Variants in HSF5 observed in about 807,000 individuals in gnomAD.
The protein encoded by HSF5 is heat shock factor protein 5.
Under a neutral mutation model 50.8 loss-of-function variants are expected in HSF5, and 5 were observed. The observed-to-expected ratio is 0.10, with a 90% CI of 0.05 to 0.21. The LOEUF (loss-of-function observed/expected upper bound fraction) is 0.21. HSF5 is among the 10% of genes least tolerant of loss of function. The pLI, the probability that HSF5 is intolerant of heterozygous loss-of-function variation, is 1.00. For synonymous variants in HSF5, 307 were observed against 307.4 expected, an observed-to-expected ratio of 1.00 and a Z score of 0.02; for missense variants, 564 against 762.6, an observed-to-expected ratio of 0.74 and a Z score of 3.07.
Position 58,422,694 on chromosome 17 carries a change from CTT to C in HSF5, c.1721-266_1721-265del, listed in dbSNP as rs34142135. 1.9e-3 allele frequency among the ~76,000 whole-genome samples: 236 copies of C among 125,162 alleles called. 1 individual carries two copies. In the East Asian group the frequency reaches 0.034, roughly 18 times the overall value. The allele number at this position is 125,162 out of a possible 152,430, so 82.1% of individuals were successfully genotyped here. A position where few individuals can be genotyped will look rare whatever the true frequency, so the allele number is the denominator to read the frequency against. On this transcript the variant is annotated intron_variant, in intron 5 of 5. Transcript: ENST00000323777. ...CCAAGACTCTTTTCACCTCAGTTGC[CTT>C]TTTTTTTTTTTTTTTTGAGACGGAG...
intron 4 of HSF5, 22 bp downstream of exon 4, chr17:58,462,760 A>ATTTTTTTTT: frequency 6.4e-7 from 1 of 1,558,720 alleles, no homozygotes; most frequent in African/African-American, 1.4e-5. Flanking sequence ...CTTTATAAGC[A>ATTTTTTTTT]TTTTTTTCTT....
chr17:58,487,961 T>G lies in HSF5; in HGVS notation c.314A>C (p.Asn105Thr). Residue 105 changes from asparagine (N) to threonine (T), a missense_variant, in exon 1 of 6, where the codon AAT (asparagine) becomes ACT (threonine). By Grantham distance (65) the Asn-to-Thr change is moderately conservative (BLOSUM62 0). This residue lies in a region of HSF5 where 29 missense variants were observed against 24.7 expected (regional missense o/e 1.18). Transcript: ENST00000323777. Reference protein sequence around the residue: ...GGPGGGKPAGNGPLHHFHNPH... With the variant: ...GGPGGGKPAGTGPLHHFHNPH... ...GTTGTGGAAGTGATGGAGCGGCCCA[T>G]TGCCTGCCGGTTTGCCGCCCCCCGG... The G allele has an allele frequency of 6.2e-7, 1 of 1,611,342 alleles. No individual in the cohort carries two copies. Among genetic ancestry groups the G allele is most frequent in the Non-Finnish European group, 8.5e-7 (1 of 1,179,316 alleles).
intron 2 of HSF5, among the ~76,000 whole-genome samples, chr17:58,473,546 T>C (rs186778255): frequency 7.2e-4 from 110 of 152,108 alleles, no homozygotes; most frequent in African/African-American, 2.2e-3. Context: ...AGAGGAAAAA[T>C]TGAATTCTAG....
At chr17:58,422,488 G>C in intron 5 of HSF5, 58 bp from the exon 6 acceptor site, 1 of 1,380,606 alleles carries the variant, frequency 7.2e-7, no homozygotes, top group South Asian at 1.2e-5. Context: ...CTATAGACAA[G>C]TTTTCAGACA....
At chr17:58,473,033 G>C (rs769453270) in intron 2 of HSF5, among the ~76,000 whole-genome samples, 1 of 152,146 alleles carries the variant, frequency 6.6e-6, no homozygotes, top group Admixed American at 6.6e-5. Context: ...CTCTTCATGA[G>C]AGGCAGGCAG....
At chr17:58,446,134 T>C in intron 5 of HSF5, among the ~76,000 whole-genome samples, 1 of 118,468 alleles carries the variant, frequency 8.4e-6, no homozygotes, top group African/African-American at 3.5e-5. Flanking sequence ...TGAAACTCCA[T>C]CTCAAAAAAA....
chr17:58,457,346 C>T (rs1304248037), intron 5 of HSF5, among the ~76,000 whole-genome samples: 2 of 151,598 alleles, frequency 1.3e-5, no homozygotes, highest in African/African-American at 4.8e-5. Context: ...TGCCTGTAAT[C>T]CCAGCACTTT....
At chr17:58,476,391 T>G (rs1427274795) in intron 2 of HSF5, 2 of 1,021,302 alleles carry the variant, frequency 2.0e-6, no homozygotes, top group Non-Finnish European at 3.1e-6. Flanking sequence ...AGAAGCTCCC[T>G]GGTTCCTCAT....
chr17:58,470,440 T>G (rs888533070), intron 2 of HSF5, among the ~76,000 whole-genome samples: 1 of 152,170 alleles, frequency 6.6e-6, no homozygotes, highest in Non-Finnish European at 1.5e-5. Flanking sequence ...CGATTCCTCA[T>G]GTAAGGTTCC....
intron 5 of HSF5, among the ~76,000 whole-genome samples, chr17:58,433,474 T>C (rs1974389218): frequency 6.6e-6 from 1 of 152,066 alleles, no homozygotes; most frequent in Admixed American, 6.6e-5. Context: ...AAGGTGATAA[T>C]AAAAGCATGA....
intron 5 of HSF5, among the ~76,000 whole-genome samples, chr17:58,426,770 G>A (rs962243469): frequency 1.3e-5 from 2 of 152,174 alleles, no homozygotes; most frequent in African/African-American, 4.8e-5. Flanking sequence ...AGAAGAGCAT[G>A]ATTCAGTCTA....
chr17:58,441,235 T>C (rs927947410), intron 5 of HSF5, among the ~76,000 whole-genome samples: 1 of 152,104 alleles, frequency 6.6e-6, no homozygotes, highest in Non-Finnish European at 1.5e-5. Context: ...GAAATAAATA[T>C]AAATTTATTT....
Position 58,480,251 on chromosome 17 carries a change from T to C in HSF5, c.567A>G (p.Gly189=). The C allele has an allele frequency of 6.2e-7, 1 of 1,610,104 alleles. No individual in the cohort carries two copies. Among genetic ancestry groups the C allele is most frequent in the Non-Finnish European group, 8.5e-7 (1 of 1,177,702 alleles). The stretch of plus-strand genomic sequence containing the variant: ...CTCGACGAAATGACCGGTGAAATTG[T>C]CCTACAGCCACTGGTCCTACATAAA... ...RPEPHGPVAV[G]QFHRSFRRDS... is the part of the protein sequence containing the mutation. Residue 189 remains glycine (G), a synonymous_variant, in exon 2 of 6, where the codon GGA becomes GGG. Transcript: ENST00000323777.
rs1168531430 is a variant in HSF5, at chr17:58,422,252, CT to C, written c.*107del. 1.9e-5 allele frequency: 15 copies of C among 789,596 alleles called. No homozygotes were observed. The highest frequency in any genetic ancestry group is 2.4e-4 in the Middle Eastern group (1 of 4,110). 48.9% of individuals were successfully genotyped at this position (789,596 alleles called of 1,614,324 possible). ...TTCTCAATTAACGAAACAAAAAATA[CT>C]TTTTTTTCCTTAACAGAACTGAAAA... On this transcript the variant is annotated 3_prime_UTR_variant, in exon 6 of 6. Coordinates refer to ENST00000323777, the MANE Select transcript of HSF5 (RefSeq NM_001080439.3).
rs1162850322 is a variant in HSF5, at chr17:58,429,370, G to A, written c.1721-6940C>T. ...TGAATGTACTATATGCCACTTAATC[G>A]TACACTTTAAAATGTTTAACTTATA... On this transcript the variant is annotated intron_variant, in intron 5 of 5. Coordinates refer to ENST00000323777, the MANE Select transcript of HSF5 (RefSeq NM_001080439.3). 7.2e-5 allele frequency among the ~76,000 whole-genome samples: 11 copies of A among 152,202 alleles called. No homozygotes were observed. In the South Asian group the frequency reaches 1.2e-3, roughly 17 times the overall value.
At chr17:58,443,230 G>C in intron 5 of HSF5, among the ~76,000 whole-genome samples, 1 of 151,994 alleles carries the variant, frequency 6.6e-6, no homozygotes, top group East Asian at 1.9e-4. Flanking sequence ...GGCTGGTCTC[G>C]AACTCCTGAC....
intron 2 of HSF5, among the ~76,000 whole-genome samples, chr17:58,468,775 A>G (rs939203195): frequency 1.3e-5 from 2 of 152,158 alleles, no homozygotes; most frequent in Non-Finnish European, 2.9e-5. Flanking sequence ...AAAACTTGAA[A>G]TAATGGGCAA....
intron 3 of HSF5, 77 bp from the exon 4 acceptor site, chr17:58,463,380 C>T (rs551568883): frequency 8.9e-7 from 1 of 1,119,294 alleles, no homozygotes; most frequent in South Asian, 1.5e-5. Flanking sequence ...AATATTTAGG[C>T]TGATGAGTGC....
Position 58,487,735 on chromosome 17 carries a change from G to T in HSF5, c.540C>A (p.Pro180=). The T allele has an allele frequency of 1.5e-6, 2 of 1,378,014 alleles. No individual in the cohort carries two copies. Among genetic ancestry groups the T allele is most frequent in the Non-Finnish European group, 1.9e-6 (2 of 1,077,056 alleles). 85.4% of individuals were successfully genotyped at this position (1,378,014 alleles called of 1,614,324 possible). Residue 180 remains proline (P), a synonymous_variant, in exon 1 of 6, where the codon CCC becomes CCA. Transcript: ENST00000323777. ...GCAGTCCGGACTCACCGTGCGGCTC[G>T]GGCCGGGGCCCCGCGGGCGGCGGCG... ...QQPPPPAGPR[P]EPHGPVAVGQ... is the part of the protein sequence containing the mutation.
Sources: gnomAD v4.1 joint callset for allele counts (sites outside exome capture counted in the v4.1 genomes callset) on GRCh38, gnomAD v4.1.1 for gene constraint, gnomAD v4.1.1 regional missense constraint, MANE v1.5 for transcripts, NCBI Gene and HGNC (gene_info 2026-07-23, HGNC 2026-07-21) for gene names.